ADAMTS6: variants seen among roughly 807,000 people sequenced by gnomAD.
ADAMTS6 encodes the protein ADAM metallopeptidase with thrombospondin type 1 motif 6.
A neutral mutation model predicts 144.3 loss-of-function variants in ADAMTS6; 23 were observed. That is an observed-to-expected ratio of 0.16 (90% CI 0.11 to 0.23). The LOEUF (loss-of-function observed/expected upper bound fraction) is 0.23, where lower values mean the gene tolerates loss of function less well. Ranked by LOEUF, ADAMTS6 falls within the 10% of genes least tolerant of loss-of-function variation. The pLI, the probability that ADAMTS6 is intolerant of heterozygous loss-of-function variation, is 1.00. For synonymous variants in ADAMTS6, 444 were observed against 457.5 expected (o/e 0.97, Z 0.38); for missense variants, 999 against 1,379.6 (o/e 0.72, Z 4.37).
intron 7 of ADAMTS6, among the ~76,000 whole-genome samples, chr5:65,435,052 C>T (rs2150222559): frequency 6.6e-6 from 1 of 152,232 alleles, no homozygotes; most frequent in South Asian, 2.1e-4. Context: ...CTATGTCCAT[C>T]AGATAGATAA....
chr5:65,220,176 AATCAGT>A (rs1002163960), intron 18 of ADAMTS6, among the ~76,000 whole-genome samples: 1 of 152,198 alleles, frequency 6.6e-6, no homozygotes, highest in Non-Finnish European at 1.5e-5. Context: ...TTAAACTAGA[AATCAGT>A]ATCAGAAAAG....
intron 9 of ADAMTS6, among the ~76,000 whole-genome samples, chr5:65,312,496 G>T (rs1054757018): frequency 6.6e-6 from 1 of 151,982 alleles, no homozygotes; most frequent in African/African-American, 2.4e-5. Context: ...ATTACAATTT[G>T]CTCATGTGTT....
At chr5:65,406,232 C>G (rs568674472) in intron 7 of ADAMTS6, among the ~76,000 whole-genome samples, 35 of 152,176 alleles carry the variant, frequency 2.3e-4, no homozygotes, top group Middle Eastern at 6.8e-3. Flanking sequence ...ACCAGTTTTC[C>G]AAGGGAATGC....
At chr5:65,318,564 C>G (rs1374505890) in intron 9 of ADAMTS6, among the ~76,000 whole-genome samples, 13 of 152,100 alleles carry the variant, frequency 8.5e-5, no homozygotes, top group Non-Finnish European at 1.5e-5. Context: ...AGAATGAGAT[C>G]CTGCCATTTG....
intron 12 of ADAMTS6, among the ~76,000 whole-genome samples, chr5:65,263,861 A>G (rs1029021347): frequency 1.3e-5 from 2 of 152,354 alleles, no homozygotes; most frequent in East Asian, 3.9e-4. Flanking sequence ...ATGAATAACA[A>G]TAAGGAACAT....
intron 22 of ADAMTS6, among the ~76,000 whole-genome samples, chr5:65,184,896 A>G (rs1026014832): frequency 2.6e-5 from 4 of 152,078 alleles, no homozygotes; most frequent in Admixed American, 6.6e-5. Context: ...TAGCCGGCAG[A>G]GAAAAGGAAA....
intron 24 of ADAMTS6, among the ~76,000 whole-genome samples, chr5:65,153,648 A>T (rs1456596522): frequency 6.6e-6 from 1 of 152,232 alleles, no homozygotes; most frequent in East Asian, 1.9e-4. Flanking sequence ...CTCAATGAGG[A>T]TGCAATATTT....
chr5:65,392,402 G>T (rs1358185739), intron 7 of ADAMTS6, among the ~76,000 whole-genome samples: 2 of 151,942 alleles, frequency 1.3e-5, no homozygotes. Flanking sequence ...TCAACTCCAG[G>T]TCTCTCTATA....
At chr5:65,213,689 A>G (rs1047003378) in intron 20 of ADAMTS6, among the ~76,000 whole-genome samples, 1 of 152,094 alleles carries the variant, frequency 6.6e-6, no homozygotes, top group Non-Finnish European at 1.5e-5. Context: ...AATAGATTAT[A>G]TGTTAATTAT....
intron 3 of ADAMTS6, 117 bp from the exon 4 acceptor site, chr5:65,460,455 T>C: frequency 1.1e-6 from 1 of 928,998 alleles, no homozygotes; most frequent in Non-Finnish European, 1.6e-6. Context: ...TTAAAACACG[T>C]TAATAAAAAA....
At chr5:65,346,313 C>G (rs181423822) in intron 7 of ADAMTS6, among the ~76,000 whole-genome samples, 3 of 151,870 alleles carry the variant, frequency 2.0e-5, no homozygotes, top group Admixed American at 2.0e-4. Context: ...TCTGGAGATG[C>G]AGGATGGTTC....
At chr5:65,371,291 G>T (rs897350547) in intron 7 of ADAMTS6, among the ~76,000 whole-genome samples, 3 of 152,182 alleles carry the variant, frequency 2.0e-5, no homozygotes, top group Admixed American at 6.5e-5. Context: ...GACGAGCTGA[G>T]AGAAGAAGGC....
chr5:65,259,054 G>A (rs1161459684), intron 14 of ADAMTS6, among the ~76,000 whole-genome samples: 1 of 152,058 alleles, frequency 6.6e-6, no homozygotes, highest in African/African-American at 2.4e-5. Flanking sequence ...ATTGAGGTCA[G>A]AGTAAAGAGT....
At position 65,468,202 on chromosome 5, in the gene ADAMTS6, G is replaced by C. The variant is rs187603640; in HGVS notation, c.462+2576C>G. 2.8e-3 allele frequency among the ~76,000 whole-genome samples: 425 copies of C among 152,044 alleles called. 2 individuals are homozygous for C. Among genetic ancestry groups the C allele is most frequent in the African/African-American group, 9.9e-3 (411 of 41,462 alleles). On this transcript the variant is annotated intron_variant, in intron 3 of 24. Coordinates refer to ENST00000381055, the MANE Select transcript of ADAMTS6 (RefSeq NM_197941.4). ...GTCCCAGCACTAAAACTATGGGTGA[G>C]GAGATACGATTAGAAAACACTAATG...
chr5:65,203,341 A>G (rs529561966), intron 20 of ADAMTS6, among the ~76,000 whole-genome samples: 2 of 152,306 alleles, frequency 1.3e-5, no homozygotes, highest in Non-Finnish European at 2.9e-5. Flanking sequence ...GTGGGCTATT[A>G]CTGTGCAACT....
intron 12 of ADAMTS6, among the ~76,000 whole-genome samples, chr5:65,267,607 G>A (rs1159539507): frequency 6.6e-6 from 1 of 151,988 alleles, no homozygotes; most frequent in Non-Finnish European, 1.5e-5. Context: ...TCTACATCAA[G>A]GGACTTTAAG....
chr5:65,470,183 TA>T (rs1413799533), intron 3 of ADAMTS6, among the ~76,000 whole-genome samples: 1 of 152,088 alleles, frequency 6.6e-6, no homozygotes, highest in African/African-American at 2.4e-5. Context: ...CACGGCCTCC[TA>T]AAACACTGGG....
chr5:65,403,062 TAC>T (rs1424072660), intron 7 of ADAMTS6, among the ~76,000 whole-genome samples: 1 of 152,086 alleles, frequency 6.6e-6, no homozygotes, highest in Non-Finnish European at 1.5e-5. Flanking sequence ...TCCCTCCTAA[TAC>T]AATAATGAAT....
chr5:65,229,050 C>T (rs905452249), intron 15 of ADAMTS6, among the ~76,000 whole-genome samples: 9 of 152,176 alleles, frequency 5.9e-5, no homozygotes, highest in East Asian at 1.9e-4. Context: ...CAAGCATGCT[C>T]CTATGGACTG....
Sources: gnomAD v4.1 joint callset for allele counts (sites outside exome capture counted in the v4.1 genomes callset) on GRCh38, gnomAD v4.1.1 for gene constraint, MANE v1.5 for transcripts, NCBI Gene and HGNC (gene_info 2026-07-23, HGNC 2026-07-21) for gene names.